The following C4orf36 variants were observed in gnomAD, a reference collection of about 807,000 sequenced individuals.
C4orf36 encodes chromosome 4 open reading frame 36.
C4orf36 carries 11 observed loss-of-function variants against 12.2 expected under a neutral mutation model. That is an observed-to-expected ratio of 0.90 (90% confidence interval 0.57 to 1.49). The LOEUF (loss-of-function observed/expected upper bound fraction) is 1.49, where lower values mean the gene tolerates loss of function less well. Ranked by LOEUF, C4orf36 falls within the 40% of genes most tolerant of loss-of-function variation. C4orf36 has a pLI of 0.00. For missense variants in C4orf36, 137 were observed against 133.9 expected (o/e 1.02, Z -0.11); for synonymous variants, 54 against 51.3 (o/e 1.05, Z -0.22).
At chr4:86,914,439 C>A in the C4orf36 span, 7 of 656,716 alleles carry the variant, frequency 1.1e-5, no homozygotes, top group East Asian at 2.4e-4. Flanking sequence ...CTGGCTCTAT[C>A]GCCCAGGCTG....
chr4:86,924,099 G>A, the C4orf36 span, among the ~76,000 whole-genome samples: 1 of 152,028 alleles, frequency 6.6e-6, no homozygotes, highest in African/African-American at 2.4e-5. Context: ...GGAGTGCAGT[G>A]GCACAATCAT....
upstream of C4orf36, among the ~76,000 whole-genome samples, chr4:86,895,120 TG>T (rs1407220438): frequency 6.6e-6 from 1 of 152,124 alleles, no homozygotes; most frequent in Non-Finnish European, 1.5e-5. Context: ...AAGACCAGCC[TG>T]GGCACCATAG....
At chr4:86,916,735 C>G in the C4orf36 span, among the ~76,000 whole-genome samples, 3 of 152,206 alleles carry the variant, frequency 2.0e-5, no homozygotes, top group Non-Finnish European at 2.9e-5. Context: ...CCTCCACAGA[C>G]TCATAGAATA....
the C4orf36 span, among the ~76,000 whole-genome samples, chr4:86,919,570 C>T: frequency 2.0e-5 from 3 of 152,126 alleles, no homozygotes; most frequent in African/African-American, 7.2e-5. Context: ...AGTGATCTGC[C>T]TGCCTCAGCC....
chr4:86,888,025 A>T, intron 3 of C4orf36, 96 bp downstream of exon 3: 1 of 1,534,502 alleles, frequency 6.5e-7, no homozygotes, highest in Non-Finnish European at 8.9e-7. Flanking sequence ...CAAAGATAGG[A>T]GGTATGGGTG....
chr4:86,882,875 C>T (rs940573843), intron 4 of C4orf36, among the ~76,000 whole-genome samples: 2 of 152,316 alleles, frequency 1.3e-5, no homozygotes, highest in South Asian at 2.1e-4. Flanking sequence ...GTGTGATACA[C>T]GCCCTGGGAG....
upstream of C4orf36, among the ~76,000 whole-genome samples, chr4:86,897,084 G>C (rs189595483): frequency 6.6e-6 from 1 of 152,188 alleles, no homozygotes; most frequent in Non-Finnish European, 1.5e-5. Context: ...AAAATGGCCA[G>C]ACACAGCGGC....
chr4:86,883,942 T>C (rs1747105319), intron 4 of C4orf36, among the ~76,000 whole-genome samples: 1 of 151,980 alleles, frequency 6.6e-6, no homozygotes, highest in African/African-American at 2.4e-5. Flanking sequence ...AGCATGAGAA[T>C]TGCTTGAACC....
the C4orf36 span, among the ~76,000 whole-genome samples, chr4:86,926,965 A>G: frequency 6.6e-6 from 1 of 152,232 alleles, no homozygotes; most frequent in East Asian, 1.9e-4. Context: ...TGGAATAATC[A>G]TATTCATTCT....
the C4orf36 span, among the ~76,000 whole-genome samples, chr4:86,907,928 A>G: frequency 6.6e-6 from 1 of 151,450 alleles, no homozygotes; most frequent in Admixed American, 6.6e-5. Flanking sequence ...AGATCATGCC[A>G]CTGCACTCCA....
At chr4:86,887,251 T>A (rs569493002) in intron 4 of C4orf36, 2 of 152,036 alleles carry the variant, frequency 1.3e-5, no homozygotes, top group East Asian at 3.9e-4. Context: ...ACCCTAGAAC[T>A]TAAAGTACAA....
At chr4:86,932,705 G>T in the C4orf36 span, among the ~76,000 whole-genome samples, 2 of 126,048 alleles carry the variant, frequency 1.6e-5, no homozygotes, top group South Asian at 5.2e-4. Flanking sequence ...CATCCCAGGA[G>T]CCCTCATATG....
the C4orf36 span, among the ~76,000 whole-genome samples, chr4:86,916,691 A>G: frequency 2.0e-5 from 3 of 152,176 alleles, no homozygotes; most frequent in African/African-American, 7.2e-5. Flanking sequence ...TCTGGGTATA[A>G]ATGCCTTTTC....
chr4:86,912,591 T>C, the C4orf36 span, among the ~76,000 whole-genome samples: 2 of 152,308 alleles, frequency 1.3e-5, no homozygotes, highest in African/African-American at 2.4e-5. Flanking sequence ...CTCTGCCTGC[T>C]CTCAAAATGG....
chr4:86,890,483 TAATAATAATA>T (rs1469801603), intron 2 of C4orf36, among the ~76,000 whole-genome samples: 1 of 3,302 alleles, frequency 3.0e-4, no homozygotes, highest in Non-Finnish European at 0.1. Context: ...GCAAATAAAA[TAATAATAATA>T]ATAATAATAA....
the C4orf36 span, chr4:86,913,674 C>T: frequency 2.4e-5 from 39 of 1,602,410 alleles, no homozygotes; most frequent in Non-Finnish European, 3.2e-5. Flanking sequence ...AGACATGGTG[C>T]TGTTGTGGCT....
chr4:86,890,623 T>C (rs1446958339), intron 2 of C4orf36, among the ~76,000 whole-genome samples: 1 of 152,208 alleles, frequency 6.6e-6, no homozygotes, highest in African/African-American at 2.4e-5. Flanking sequence ...GAATTTCTTA[T>C]AGCTCTGGTT....
the C4orf36 span, chr4:86,914,391 CTTTTTTTTT>C: frequency 5.6e-4 from 184 of 327,770 alleles, 1 homozygote; most frequent in South Asian, 2.6e-3. Flanking sequence ...CTTCTTCTTC[CTTTTTTTTT>C]TTTTTTTTTT....
chr4:86,927,129 G>A, the C4orf36 span, among the ~76,000 whole-genome samples: 1 of 152,180 alleles, frequency 6.6e-6, no homozygotes, highest in Admixed American at 6.5e-5. Context: ...GAGTCATCTT[G>A]TTCTATTTTC....
Sources: gnomAD v4.1 joint callset for allele counts (sites outside exome capture counted in the v4.1 genomes callset) on GRCh38, gnomAD v4.1.1 for gene constraint, MANE v1.5 for transcripts, NCBI Gene and HGNC (gene_info 2026-07-23, HGNC 2026-07-21) for gene names.